FCN1: variants seen among roughly 807,000 people sequenced by gnomAD.
FCN1 encodes ficolin-1.
In FCN1, 42 loss-of-function variants were observed where a neutral mutation model predicts 35.6. The observed-to-expected ratio is 1.18, with a 90% CI of 0.92 to 1.53. The LOEUF (loss-of-function observed/expected upper bound fraction) is 1.53, where lower values mean the gene tolerates loss of function less well. FCN1 is among the 40% of genes most tolerant of loss of function. The pLI, the probability that FCN1 is intolerant of heterozygous loss-of-function variation, is 0.00. For synonymous variants in FCN1, 179 were observed against 169.8 expected, an observed-to-expected ratio of 1.05 and a Z score of -0.42; for missense variants, 439 against 428.4, an observed-to-expected ratio of 1.02 and a Z score of -0.22.
chr9:134,914,651 G>A (rs1024031356), intron 3 of FCN1, 105 bp downstream of exon 3: 1 of 899,412 alleles, frequency 1.1e-6, no homozygotes, highest in Non-Finnish European at 1.8e-6. Flanking sequence ...GTGTCTCTCT[G>A]TGTCTGTGTC....
intron 1 of FCN1, 120 bp from the exon 2 acceptor site, chr9:134,916,581 T>G (rs2382714): frequency 2.0e-6 from 2 of 1,008,544 alleles, no homozygotes; most frequent in East Asian, 2.4e-5. Context: ...GAGGCGGAGA[T>G]GTGATGGGGG....
chr9:134,914,483 T>TC (rs11421281), intron 3 of FCN1, 63 bp from the exon 4 acceptor site: 934,520 of 1,509,770 alleles, frequency 0.62, 292,995 homozygotes, highest in South Asian at 0.7. Context: ...GAAAGGCTGG[T>TC]CCAGAGTGGG....
At chr9:134,914,231 TGAC>T (rs1478502505) in intron 4 of FCN1, among the ~76,000 whole-genome samples, 151 bp downstream of exon 4, 1 of 152,198 alleles carries the variant, frequency 6.6e-6, no homozygotes, top group Non-Finnish European at 1.5e-5. Context: ...TCGTGGATTC[TGAC>T]AACAAAGCCC....
rs1345783002 is a variant in FCN1 at position 134,909,365 on chromosome 9, T to TG, written c.*432dup. 8.1e-7 allele frequency: 1 copy of TG among 1,235,272 alleles called. No individual in the cohort carries two copies. Among genetic ancestry groups the TG allele is most frequent in the Non-Finnish European group, 1.1e-6 (1 of 940,818 alleles). The allele number at this position is 1,235,272 out of a possible 1,614,324, so 76.5% of individuals were successfully genotyped here. On this transcript the variant is annotated 3_prime_UTR_variant, in exon 9 of 9. Coordinates refer to ENST00000371806, the MANE Select transcript of FCN1 (RefSeq NM_002003.5). ...GAGGCATGGGGGGATGGGGGAGGCTTGGGGGTGGAGGTGAGGATCGCCCTG... is the reference window on the plus strand; with the variant it reads ...GAGGCATGGGGGGATGGGGGAGGCTTGGGGGGTGGAGGTGAGGATCGCCCTG...
intron 8 of FCN1, 46 bp downstream of exon 8, chr9:134,911,087 G>T (rs1300361063): frequency 1.2e-6 from 2 of 1,606,926 alleles, no homozygotes; most frequent in Non-Finnish European, 1.7e-6. Context: ...GGTTCTCTCT[G>T]CTTTCCAAGC....
rs1830976999 is a variant in FCN1 at position 134,908,064 on chromosome 9, A to G, written c.*1734T>C. On this transcript the variant is annotated 3_prime_UTR_variant, in exon 9 of 9. Transcript: ENST00000371806. The stretch of plus-strand genomic sequence containing the variant: ...TCGCATTGTTACTAGCAGTGTATGC[A>G]AATCTCCCTCCCACAGTCACCTTTG... 1 of 152,282 alleles carries G rather than the reference A, an allele frequency of 6.6e-6. No individual in the cohort carries two copies. Among genetic ancestry groups the G allele is most frequent in the African/African-American group, 2.4e-5 (1 of 41,438 alleles). 9.4% of individuals were successfully genotyped at this position (152,282 alleles called of 1,614,324 possible). A position where few individuals can be genotyped will look rare whatever the true frequency, so the allele number is the denominator to read the frequency against.
chr9:134,909,777 T>C lies in FCN1; in HGVS notation c.*21A>G. 6.2e-7 allele frequency: 1 copy of C among 1,611,566 alleles called. No homozygotes were observed. The highest frequency in any genetic ancestry group is 8.5e-7 in the Non-Finnish European group (1 of 1,179,714). ...TGTGGCCTCCCCACTAGCAGGTGCA[T>C]GTGGAGGGGTCCTGGCCCGTCTAGG... On this transcript the variant is annotated 3_prime_UTR_variant, in exon 9 of 9. Transcript: ENST00000371806.
At chr9:134,915,228 A>T (rs1831077401) in intron 2 of FCN1, among the ~76,000 whole-genome samples, 1 of 152,172 alleles carries the variant, frequency 6.6e-6, no homozygotes, top group Non-Finnish European at 1.5e-5. Context: ...CGCCACGTGC[A>T]GCCGCTGCTG....
At position 134,909,460 on chromosome 9, in the gene FCN1, T is replaced by C; in HGVS notation, c.*338A>G. ...CTCCCTGAACATCGGTAGTGCCATC[T>C]GCTAAATAAGGGTCCTGACTCTTCC... On this transcript the variant is annotated 3_prime_UTR_variant, in exon 9 of 9. Coordinates refer to ENST00000371806, the MANE Select transcript of FCN1 (RefSeq NM_002003.5). 7.7e-7 allele frequency: 1 copy of C among 1,302,358 alleles called. No individual in the cohort carries two copies. Among genetic ancestry groups the C allele is most frequent in the African/African-American group, 1.5e-5 (1 of 66,584 alleles). 80.7% of individuals were successfully genotyped at this position (1,302,358 alleles called of 1,614,324 possible). A position where few individuals can be genotyped will look rare whatever the true frequency, so the allele number is the denominator to read the frequency against.
chr9:134,911,069 C>A, intron 8 of FCN1, 64 bp downstream of exon 8: 1 of 1,575,080 alleles, frequency 6.3e-7, no homozygotes, highest in Non-Finnish European at 8.7e-7. Flanking sequence ...CCAGGGGAGA[C>A]AGAGCCAGGT....
intron 4 of FCN1, 141 bp downstream of exon 4, chr9:134,914,244 C>T (rs1364076946): frequency 2.2e-5 from 17 of 787,434 alleles, no homozygotes; most frequent in African/African-American, 6.8e-5. Flanking sequence ...CAACAAAGCC[C>T]GCTGGACTCC....
At chr9:134,915,692 G>A (rs1035113068) in intron 2 of FCN1, among the ~76,000 whole-genome samples, 4 of 152,208 alleles carry the variant, frequency 2.6e-5, no homozygotes, top group Admixed American at 2.0e-4. Flanking sequence ...GTGCTCCGCA[G>A]GCATCATCTT....
chr9:134,913,290 C>T, intron 5 of FCN1, 147 bp from the exon 6 acceptor site: 3 of 1,140,208 alleles, frequency 2.6e-6, no homozygotes, highest in Non-Finnish European at 3.8e-6. Flanking sequence ...GGACACGGCC[C>T]CCAGGGCCAC....
intron 8 of FCN1, among the ~76,000 whole-genome samples, chr9:134,910,762 C>G (rs886698485): frequency 2.0e-5 from 3 of 152,156 alleles, no homozygotes; most frequent in Non-Finnish European, 4.4e-5. Context: ...CTCCCCAGAT[C>G]GTGTAGCCAG....
rs150901523 is a variant in FCN1, at chr9:134,913,249, C to T, written c.341-106G>A. The T allele has an allele frequency of 3.1e-5, 45 of 1,459,538 alleles. No homozygotes were observed. The African/African-American group carries it at 4.6e-4, about 15-fold the overall frequency. The allele number at this position is 1,459,538 out of a possible 1,614,324, so 90.4% of individuals were successfully genotyped here. A position where few individuals can be genotyped will look rare whatever the true frequency, so the allele number is the denominator to read the frequency against. On this transcript the variant is annotated intron_variant, in intron 5 of 8. Transcript: ENST00000371806. ...AGGAGGAGGGCCACAGGCTTCTGTGCGGACCGAGCAGGACTCCGAGGCCTG... is the reference window on the plus strand; with the variant it reads ...AGGAGGAGGGCCACAGGCTTCTGTGTGGACCGAGCAGGACTCCGAGGCCTG...
rs1287067773 is a variant in FCN1, at chr9:134,917,618, G to A, written c.103+151C>T. Reference sequence around the variant, plus strand: ...CCCTGGGCAATGCCTCAGCTGCCCTGAGCCTCCATGTCCTTGCCTGAGGAT... The same window carrying A: ...CCCTGGGCAATGCCTCAGCTGCCCTAAGCCTCCATGTCCTTGCCTGAGGAT... On this transcript the variant is annotated intron_variant, in intron 1 of 8. Coordinates refer to ENST00000371806, the MANE Select transcript of FCN1 (RefSeq NM_002003.5). The A allele has an allele frequency of 3.5e-5, 21 of 595,904 alleles. No individual in the cohort carries two copies. The South Asian group carries it at 4.0e-4, about 11-fold the overall frequency. 36.9% of individuals were successfully genotyped at this position (595,904 alleles called of 1,614,324 possible). A position where few individuals can be genotyped will look rare whatever the true frequency, so the allele number is the denominator to read the frequency against.
intron 1 of FCN1, among the ~76,000 whole-genome samples, chr9:134,916,706 G>T (rs1314986756): frequency 6.6e-6 from 1 of 152,244 alleles, no homozygotes. Flanking sequence ...GGGCTGCCAA[G>T]CGGGGATAAT....
chr9:134,912,537 G>A lies in FCN1; in HGVS notation c.547C>T (p.Leu183=), dbSNP rs141017404. The A allele has an allele frequency of 4.1e-4, 666 of 1,614,034 alleles. 5 individuals carry two copies. The Middle Eastern group carries it at 0.014, about 33-fold the overall frequency. ...AAYKQGFGSQ[L]GEFWLGNDNI... ...TCATTCCCCAGCCAGAACTCCCCCA[G>A]CTGACTGCCGAAGCCCTGCTTGTAT... The change falls in exon 7 of 9, where the codon CTG becomes TTG. Residue 183 remains leucine (L), a synonymous_variant. Transcript: ENST00000371806.
chr9:134,905,523 G>T lies in FCN1; in HGVS notation c.*4275C>A, dbSNP rs572007055. Among the ~76,000 whole-genome samples, 1 of 151,710 alleles carries T rather than the reference G, an allele frequency of 6.6e-6. No homozygotes were observed. Among genetic ancestry groups the T allele is most frequent in the Admixed American group, 6.6e-5 (1 of 15,250 alleles). ...TTTTGAGACAGAGTCTCGCTCTGTC[G>T]CCCAGGCTGGAGTGCAGTGGTGCGA... is the stretch of plus-strand genomic sequence containing the variant. On this transcript the variant is annotated 3_prime_UTR_variant, in exon 9 of 9. Coordinates refer to ENST00000371806, the MANE Select transcript of FCN1 (RefSeq NM_002003.5).
Sources: allele counts gnomAD v4.1 joint callset (sites outside exome capture counted in the v4.1 genomes callset), GRCh38; gene constraint gnomAD v4.1.1; transcripts MANE v1.5; gene names NCBI Gene and HGNC (gene_info 2026-07-23, HGNC 2026-07-21).